Variants in DAB1 observed in about 807,000 individuals in gnomAD.
DAB1 encodes the protein disabled homolog 1.
In DAB1, 15 loss-of-function variants were observed where a neutral mutation model predicts 64.6. That is an observed-to-expected ratio of 0.23 (90% CI 0.16 to 0.36). The LOEUF (loss-of-function observed/expected upper bound fraction) is 0.36. Among genes scored for constraint, DAB1 ranks in the 10% least tolerant of loss-of-function variants. The pLI is 1.00. For missense variants in DAB1, 596 were observed against 706.7 expected (o/e 0.84, Z 1.78); for synonymous variants, 235 against 251.9 (o/e 0.93, Z 0.64).
intron 7 of DAB1, among the ~76,000 whole-genome samples, chr1:57,531,401 C>A (rs1457757944): frequency 1.3e-5 from 2 of 152,062 alleles, no homozygotes; most frequent in Non-Finnish European, 2.9e-5. Flanking sequence ...TCTGACTCAG[C>A]CCACCTGCAC....
rs548420507 is a variant in DAB1, at chr1:58,474,031, T to C, written n.257+32029A>G. On this transcript the variant is annotated intron_variant and non_coding_transcript_variant, in intron 3 of 20. Coordinates refer to the DAB1 transcript ENST00000485760. ...TTTGATTTCCGAGTCAAACTTCTACTTCATGGTGGCTATTAGGGTCATTCC... is the reference window on the plus strand; with the variant it reads ...TTTGATTTCCGAGTCAAACTTCTACCTCATGGTGGCTATTAGGGTCATTCC... 7.5e-6 allele frequency: 6 copies of C among 797,398 alleles called. No homozygotes were observed. The East Asian group carries it at 3.8e-4, about 51-fold the overall frequency. The allele number at this position is 797,398 out of a possible 1,614,324, so 49.4% of individuals were successfully genotyped here.
In DAB1 at chr1:57,026,032, T is replaced by C. The variant is rs765361974; in HGVS notation, c.735A>G (p.Gln245=). ...PKSQPVSAVT[Q]LELFGDMSTP... is the part of the protein sequence containing the mutation. The stretch of plus-strand genomic sequence containing the variant: ...TGGACATGTCCCCAAAAAGTTCTAA[T>C]TGGGTCACAGCCTGTAAAGACAAAA... Residue 245 remains glutamine (Q), a synonymous_variant, in exon 10 of 15, where the codon CAA becomes CAG. Transcript: ENST00000371236. The C allele has an allele frequency of 5.6e-6, 9 of 1,598,652 alleles. No individual in the cohort carries two copies. The highest frequency in any genetic ancestry group is 3.5e-5 in the Admixed American group (2 of 56,982).
At chr1:57,911,018 A>T (rs1215256588) in intron 5 of DAB1, among the ~76,000 whole-genome samples, 1 of 152,248 alleles carries the variant, frequency 6.6e-6, no homozygotes, top group African/African-American at 2.4e-5. Flanking sequence ...AGCAGCTATG[A>T]TTCATTCAGT....
At chr1:57,585,046 C>T (rs1818913) in intron 7 of DAB1, among the ~76,000 whole-genome samples, 4 of 150,836 alleles carry the variant, frequency 2.7e-5, no homozygotes, top group Non-Finnish European at 4.4e-5. Flanking sequence ...GTCAGGAGTT[C>T]GAGACCAGCC....
intron 2 of DAB1, among the ~76,000 whole-genome samples, chr1:57,174,730 G>A (rs1451145190): frequency 6.6e-6 from 1 of 152,050 alleles, no homozygotes; most frequent in Non-Finnish European, 1.5e-5. Flanking sequence ...TCTGATGCTG[G>A]CTCTACTCCG....
intron 5 of DAB1, among the ~76,000 whole-genome samples, chr1:57,902,058 G>A (rs1353568267): frequency 2.0e-5 from 3 of 151,938 alleles, no homozygotes; most frequent in Admixed American, 6.6e-5. Flanking sequence ...TTGGGAGGCT[G>A]GGGTGGGAGG....
intron 6 of DAB1, among the ~76,000 whole-genome samples, chr1:57,651,765 T>A (rs937621912): frequency 2.6e-5 from 4 of 152,218 alleles, no homozygotes; most frequent in African/African-American, 4.8e-5. Flanking sequence ...CAATCTTCCT[T>A]TATATTATAT....
At chr1:58,247,732 C>G (rs1660612710) in intron 4 of DAB1, among the ~76,000 whole-genome samples, 1 of 151,960 alleles carries the variant, frequency 6.6e-6, no homozygotes, top group African/African-American at 2.4e-5. Context: ...TAGTATTTCC[C>G]TCTCTGCTTT....
chr1:58,354,901 C>T (rs1644095562), intron 3 of DAB1, among the ~76,000 whole-genome samples: 1 of 152,164 alleles, frequency 6.6e-6, no homozygotes. Context: ...AATCACACAG[C>T]TGACAAATAG....
chr1:58,136,347 G>A (rs1408116441), intron 5 of DAB1, among the ~76,000 whole-genome samples: 4 of 152,044 alleles, frequency 2.6e-5, no homozygotes, highest in African/African-American at 4.8e-5. Context: ...CTCTTCCTAC[G>A]CTGCCGAAGT....
At chr1:58,503,021 A>G in intron 3 of DAB1, among the ~76,000 whole-genome samples, 1 of 152,172 alleles carries the variant, frequency 6.6e-6, no homozygotes. Flanking sequence ...ATTCATTATT[A>G]TTTTAAAGAC....
intron 5 of DAB1, among the ~76,000 whole-genome samples, chr1:58,125,055 T>C (rs1652980501): frequency 6.6e-6 from 1 of 152,172 alleles, no homozygotes. Flanking sequence ...CTGGGATATG[T>C]ATGTGATAAC....
At chr1:57,054,818 T>A (rs560653869) in intron 9 of DAB1, among the ~76,000 whole-genome samples, 2 of 152,278 alleles carry the variant, frequency 1.3e-5, no homozygotes, top group Admixed American at 6.5e-5. Flanking sequence ...AGTCAAGATA[T>A]CTGCCTAAAG....
chr1:57,781,176 G>A (rs1404683257), intron 6 of DAB1, among the ~76,000 whole-genome samples: 2 of 70,316 alleles, frequency 2.8e-5, no homozygotes, highest in African/African-American at 1.1e-4. Flanking sequence ...ATATATAGTT[G>A]CCTAATTACT....
intron 1 of DAB1, among the ~76,000 whole-genome samples, chr1:57,319,421 C>T (rs1337848043): frequency 6.6e-6 from 1 of 152,160 alleles, no homozygotes; most frequent in Admixed American, 6.5e-5. Context: ...GCCACTTCCT[C>T]TGCATGAGTC....
chr1:58,096,018 T>C (rs1251864089), intron 5 of DAB1, among the ~76,000 whole-genome samples: 1 of 152,200 alleles, frequency 6.6e-6, no homozygotes, highest in Non-Finnish European at 1.5e-5. Flanking sequence ...CAGATTCAGC[T>C]GTGGGGTGAT....
At chr1:57,400,409 CAA>C (rs1309891192) in intron 1 of DAB1, among the ~76,000 whole-genome samples, 1 of 152,068 alleles carries the variant, frequency 6.6e-6, no homozygotes, top group East Asian at 1.9e-4. Flanking sequence ...GCTGAATGAA[CAA>C]AGTTTATGAG....
Position 57,291,167 on chromosome 1 carries a change from C to T in DAB1, c.-136-1G>A. On this transcript the variant is annotated splice_acceptor_variant, in intron 1 of 14. Transcript: ENST00000371236. LOFTEE classifies it low-confidence loss of function (5UTR_SPLICE). ...ACATTTCATTCACTCTTTTTGAGTG[C>T]TGCAAATCAAGGCAAGAGAACATTC... 1 of 480,236 alleles carries T rather than the reference C, an allele frequency of 2.1e-6. No individual in the cohort carries two copies. 29.7% of individuals were successfully genotyped at this position (480,236 alleles called of 1,614,324 possible).
At chr1:57,507,054 T>A (rs995895772) in intron 7 of DAB1, among the ~76,000 whole-genome samples, 2 of 152,304 alleles carry the variant, frequency 1.3e-5, no homozygotes, top group East Asian at 1.9e-4. Context: ...TTAATTTCCC[T>A]GAAGTACAGC....
Sources: allele counts gnomAD v4.1 joint callset (sites outside exome capture counted in the v4.1 genomes callset), GRCh38; gene constraint gnomAD v4.1.1; transcripts MANE v1.5; gene names NCBI Gene and HGNC (gene_info 2026-07-23, HGNC 2026-07-21).